Variants in PDE1C observed in about 807,000 individuals in gnomAD.
The protein encoded by PDE1C is phosphodiesterase 1C, also known as dual specificity calcium/calmodulin-dependent 3',5'-cyclic nucleotide phosphodiesterase 1C.
A neutral mutation model predicts 93.1 loss-of-function variants in PDE1C; 62 were observed. The observed-to-expected ratio is 0.67, with a 90% CI of 0.54 to 0.82. The LOEUF is 0.82. Among genes scored for constraint, PDE1C ranks in the 40% least tolerant of loss-of-function variants. PDE1C has a pLI of 0.00. For missense variants in PDE1C, 742 were observed against 884.6 expected, an observed-to-expected ratio of 0.84 and a Z score of 2.04; for synonymous variants, 325 against 310.1, an observed-to-expected ratio of 1.05 and a Z score of -0.50.
the PDE1C span, among the ~76,000 whole-genome samples, chr7:31,663,184 G>T: frequency 6.6e-6 from 1 of 152,076 alleles, no homozygotes; most frequent in African/African-American, 2.4e-5. Flanking sequence ...GAAAACTGTG[G>T]CTTTGGATTC....
the PDE1C span, among the ~76,000 whole-genome samples, chr7:31,625,638 G>C: frequency 6.6e-6 from 1 of 152,030 alleles, no homozygotes; most frequent in East Asian, 1.9e-4. Context: ...GGGAGGAGGG[G>C]GGAGGGATAG....
At chr7:32,064,279 T>C (rs1239898225) in intron 1 of PDE1C, among the ~76,000 whole-genome samples, 3 of 152,158 alleles carry the variant, frequency 2.0e-5, no homozygotes, top group African/African-American at 7.2e-5. Context: ...AGGCTACCAA[T>C]TTAACATATC....
At chr7:31,695,665 T>G in the PDE1C span, 1 of 1,555,970 alleles carries the variant, frequency 6.4e-7, no homozygotes, top group South Asian at 1.2e-5. Context: ...GAGAGCCACT[T>G]GCCACTAGGT....
chr7:31,625,389 T>C, the PDE1C span, among the ~76,000 whole-genome samples: 2 of 151,876 alleles, frequency 1.3e-5, no homozygotes, highest in Non-Finnish European at 2.9e-5. Flanking sequence ...CCAACAATGA[T>C]AGACTGGATT....
chr7:31,821,201 C>T (rs1339529898), intron 14 of PDE1C, among the ~76,000 whole-genome samples: 1 of 152,098 alleles, frequency 6.6e-6, no homozygotes, highest in Non-Finnish European at 1.5e-5. Flanking sequence ...TGATGCCTTC[C>T]CAAACTCCCA....
intron 9 of PDE1C, among the ~76,000 whole-genome samples, chr7:31,842,045 C>G (rs180671165): frequency 1.3e-5 from 2 of 152,224 alleles, no homozygotes; most frequent in Admixed American, 1.3e-4. Context: ...AGTCTACCCT[C>G]TTATATGTTA....
intron 1 of PDE1C, among the ~76,000 whole-genome samples, chr7:32,425,996 C>G (rs1785522979): frequency 6.6e-6 from 1 of 152,030 alleles, no homozygotes; most frequent in Admixed American, 6.6e-5. Context: ...TGGTAATATC[C>G]TTTCATGGTT....
At chr7:31,807,412 CA>C (rs1340778917) in intron 16 of PDE1C, among the ~76,000 whole-genome samples, 3 of 151,672 alleles carry the variant, frequency 2.0e-5, no homozygotes, top group Admixed American at 6.6e-5. Context: ...CCCCTCCCCC[CA>C]AAAAAACCTG....
chr7:31,808,754 A>G lies in PDE1C; in HGVS notation c.1891+277T>C, dbSNP rs544060120. On this transcript the variant is annotated intron_variant, in intron 16 of 17. Transcript: ENST00000396191. ...TGTCTGATCAGCAAGTCTAAAATAA[A>G]CTTTTTATGATGTTTAAGATGAAAA... Among the ~76,000 whole-genome samples the G allele has an allele frequency of 4.6e-5, 7 of 152,134 alleles. No individual in the cohort carries two copies. In the South Asian group the frequency reaches 1.2e-3, roughly 27 times the overall value.
intron 2 of PDE1C, among the ~76,000 whole-genome samples, chr7:31,912,794 A>C (rs1039013910): frequency 2.0e-5 from 3 of 152,202 alleles, no homozygotes; most frequent in African/African-American, 7.2e-5. Context: ...TCTTTAAAAA[A>C]GACAACAGAG....
chr7:32,223,997 C>A lies in PDE1C; in HGVS notation c.86-14458G>T, dbSNP rs190216984. Reference sequence around the variant, plus strand: ...ACATCAGCTGTCCTGAGCTGCTCCACCTGCGGCCTTCTCAGATGAACTAGT... The same window carrying A: ...ACATCAGCTGTCCTGAGCTGCTCCAACTGCGGCCTTCTCAGATGAACTAGT... On this transcript the variant is annotated intron_variant, in intron 1 of 18. Coordinates refer to the PDE1C transcript ENST00000396193. Among the ~76,000 whole-genome samples the A allele has an allele frequency of 2.0e-5, 3 of 152,328 alleles. No individual in the cohort carries two copies. The East Asian group carries it at 5.8e-4, about 29-fold the overall frequency.
chr7:31,828,248 C>G, intron 12 of PDE1C, 44 bp downstream of exon 12: 3 of 1,506,454 alleles, frequency 2.0e-6, no homozygotes, highest in Non-Finnish European at 2.8e-6. Context: ...CTTCTACAGG[C>G]TTCCTGCTTT....
intron 1 of PDE1C, among the ~76,000 whole-genome samples, chr7:32,056,653 G>GGGCA (rs1794154771): frequency 6.6e-6 from 1 of 152,188 alleles, no homozygotes; most frequent in Admixed American, 6.5e-5. Context: ...ATTTAGCATA[G>GGGCA]TGCTGGGCAT....
intron 1 of PDE1C, among the ~76,000 whole-genome samples, chr7:32,344,442 T>G (rs1429081544): frequency 6.6e-6 from 1 of 152,186 alleles, no homozygotes; most frequent in African/African-American, 2.4e-5. Context: ...TAGCCAGATT[T>G]CCTTTCTGAC....
chr7:32,312,433 A>G (rs1783067930), intron 1 of PDE1C, among the ~76,000 whole-genome samples: 2 of 151,578 alleles, frequency 1.3e-5, no homozygotes, highest in Non-Finnish European at 3.0e-5. Flanking sequence ...ACCAAAAAAG[A>G]GCCCGCATCG....
At chr7:32,136,060 A>G (rs949392879) in intron 3 of PDE1C, among the ~76,000 whole-genome samples, 7 of 152,202 alleles carry the variant, frequency 4.6e-5, no homozygotes, top group Non-Finnish European at 8.8e-5. Flanking sequence ...AGTGGTATCT[A>G]AAAAGGTTGA....
At chr7:32,072,255 T>C (rs1248291376), upstream of PDE1C, among the ~76,000 whole-genome samples, 5 of 152,196 alleles carry the variant, frequency 3.3e-5, no homozygotes, top group Admixed American at 2.0e-4. Context: ...AAAGACCTGT[T>C]TGATGAAAAA....
chr7:32,184,001 A>G (rs1377079933), intron 2 of PDE1C, among the ~76,000 whole-genome samples: 4 of 152,242 alleles, frequency 2.6e-5, no homozygotes, highest in African/African-American at 7.2e-5. Flanking sequence ...ATGAACAGAC[A>G]CTTCTCAATA....
At chr7:32,247,936 T>G (rs985407453) in intron 1 of PDE1C, among the ~76,000 whole-genome samples, 1 of 152,082 alleles carries the variant, frequency 6.6e-6, no homozygotes, top group African/African-American at 2.4e-5. Flanking sequence ...ATGGTAGTAG[T>G]GAGGGCCTCC....
Sources: gnomAD v4.1 joint callset for allele counts (sites outside exome capture counted in the v4.1 genomes callset) on GRCh38, gnomAD v4.1.1 for gene constraint, MANE v1.5 for transcripts, NCBI Gene and HGNC (gene_info 2026-07-23, HGNC 2026-07-21) for gene names.